The following ASS1 variants were observed in gnomAD, a reference collection of about 807,000 sequenced individuals.
ASS1 encodes argininosuccinate synthase 1, also known as argininosuccinate synthase.
In ASS1, 58 loss-of-function variants were observed where a neutral mutation model predicts 60.5. The observed-to-expected ratio is 0.96, with a 90% CI of 0.78 to 1.19. The LOEUF (loss-of-function observed/expected upper bound fraction) is 1.19. Among genes scored for constraint, ASS1 ranks in the 50% most tolerant of loss-of-function variants. The pLI, the probability that ASS1 is intolerant of heterozygous loss-of-function variation, is 0.00. For synonymous variants in ASS1, 200 were observed against 206.9 expected, an observed-to-expected ratio of 0.97 and a Z score of 0.29; for missense variants, 454 against 547.3, an observed-to-expected ratio of 0.83 and a Z score of 1.70.
At chr9:130,453,768 CAG>C (rs1845376870) in intron 2 of ASS1, among the ~76,000 whole-genome samples, 1 of 152,202 alleles carries the variant, frequency 6.6e-6, no homozygotes, top group Non-Finnish European at 1.5e-5. Flanking sequence ...AGTGTCTAGA[CAG>C]GGGCTGTCAG....
At chr9:130,501,274 AGTGAGTGT>A (rs1846749809), downstream of ASS1, 7 of 446,612 alleles carry the variant, frequency 1.6e-5, no homozygotes, top group East Asian at 4.1e-5. Flanking sequence ...TTTTATTTCT[AGTGAGTGT>A]GTGTGTGTGT....
At position 130,478,478 on chromosome 9, in the gene ASS1, G is replaced by A. The variant is rs547010534; in HGVS notation, c.689-1238G>A. ...AGCTGGAGAAGAAACGTGACCTATT[G>A]TCATGATTTGGGGACTGTCTGGAAG... On this transcript the variant is annotated intron_variant, in intron 9 of 14. Transcript: ENST00000352480. This position sits in a 1 kb window ranked among gnomAD's most constrained non-coding sequence, Gnocchi z 4.7. 1.1e-4 allele frequency among the ~76,000 whole-genome samples: 17 copies of A among 152,324 alleles called. No individual in the cohort carries two copies. The South Asian group carries it at 3.5e-3, about 32-fold the overall frequency.
At position 130,489,488 on chromosome 9, in the gene ASS1, C is replaced by T. The variant is rs745677470; in HGVS notation, c.970+24C>T. The T allele has an allele frequency of 4.4e-5, 71 of 1,613,832 alleles. No homozygotes were observed. The highest frequency in any genetic ancestry group is 6.7e-5 in the Admixed American group (4 of 59,992). On this transcript the variant is annotated intron_variant, in intron 12 of 14. Transcript: ENST00000352480. The surrounding 1 kb of genome is among the most constrained non-coding windows in gnomAD (Gnocchi z 4.1). ...CGGTGCGTAAGACTCTATGGCTGCC[C>T]CCTCTAACCGCCTCACAAGGGATCC...
intron 3 of ASS1, among the ~76,000 whole-genome samples, chr9:130,455,289 C>G (rs1332076806): frequency 1.3e-5 from 2 of 151,930 alleles, no homozygotes; most frequent in African/African-American, 2.4e-5. Flanking sequence ...ATCCATTCAC[C>G]CATCCATCCC....
chr9:130,489,768 A>G lies in ASS1; in HGVS notation c.970+304A>G, dbSNP rs562845089. Among the ~76,000 whole-genome samples, 1 of 152,342 alleles carries G rather than the reference A, an allele frequency of 6.6e-6. No homozygotes were observed. The highest frequency in any genetic ancestry group is 2.1e-4 in the South Asian group (1 of 4,832). The stretch of plus-strand genomic sequence containing the variant: ...CAGTTTGCATGACTGCAGCAATGCC[A>G]GGCACTGGGCACTGTGCGGCGACAT... On this transcript the variant is annotated intron_variant, in intron 12 of 14. Transcript: ENST00000352480. The surrounding 1 kb of genome is among the most constrained non-coding windows in gnomAD (Gnocchi z 4.1).
chr9:130,450,072 G>T (rs1272474429), intron 1 of ASS1, among the ~76,000 whole-genome samples: 1 of 152,206 alleles, frequency 6.6e-6, no homozygotes, highest in Non-Finnish European at 1.5e-5. Context: ...GCAAACAGGG[G>T]TAGGCTTCCA....
chr9:130,500,353 C>T (rs1846719579), intron 14 of ASS1, among the ~76,000 whole-genome samples: 2 of 152,184 alleles, frequency 1.3e-5, no homozygotes, highest in South Asian at 4.1e-4. Flanking sequence ...AAGTAACTTT[C>T]CAAGGGTCAC....
In ASS1 at chr9:130,489,066, G is replaced by T. The variant is rs1846380012; in HGVS notation, c.839-267G>T. On this transcript the variant is annotated intron_variant, in intron 11 of 14. Transcript: ENST00000352480. This position sits in a 1 kb window ranked among gnomAD's most constrained non-coding sequence, Gnocchi z 4.1. Reference sequence around the variant, plus strand: ...GGAGGGGTTGCTGCTCCGAAACCCTGTCATTTTCTAGCGTCTGAGGGCCCC... The same window carrying T: ...GGAGGGGTTGCTGCTCCGAAACCCTTTCATTTTCTAGCGTCTGAGGGCCCC... Among the ~76,000 whole-genome samples the T allele has an allele frequency of 1.3e-5, 2 of 152,118 alleles. No individual in the cohort carries two copies. The highest frequency in any genetic ancestry group is 2.9e-5 in the Non-Finnish European group (2 of 68,004).
chr9:130,497,019 A>G (rs764005411), intron 13 of ASS1, among the ~76,000 whole-genome samples: 2 of 152,156 alleles, frequency 1.3e-5, no homozygotes, highest in South Asian at 2.1e-4. Flanking sequence ...CCCCGCTTCA[A>G]TCTTTCTAAA....
intron 10 of ASS1, 105 bp downstream of exon 10, chr9:130,479,905 G>A (rs774665628): frequency 1.2e-5 from 15 of 1,284,344 alleles, no homozygotes; most frequent in Non-Finnish European, 1.7e-5. Flanking sequence ...CAGGGGTGCG[G>A]AGCACAGGCC....
At chr9:130,445,632 C>T (rs866823366) in intron 1 of ASS1, among the ~76,000 whole-genome samples, 41 of 152,274 alleles carry the variant, frequency 2.7e-4, no homozygotes, top group African/African-American at 9.4e-4. Flanking sequence ...CTGGGCTGGG[C>T]TCTGTGGGAG....
At chr9:130,468,748 AT>A (rs1157853369) in intron 6 of ASS1, among the ~76,000 whole-genome samples, 1 of 151,552 alleles carries the variant, frequency 6.6e-6, no homozygotes, top group Non-Finnish European at 1.5e-5. Flanking sequence ...TAATTTTTAA[AT>A]TTTTTTTTGT....
intron 6 of ASS1, among the ~76,000 whole-genome samples, chr9:130,467,831 G>A (rs1375502299): frequency 5.9e-5 from 9 of 152,180 alleles, no homozygotes; most frequent in Middle Eastern, 3.4e-3. Flanking sequence ...CTCACGCCTC[G>A]AGTCCTGGAT....
At chr9:130,455,007 C>G (rs1221689459) in intron 3 of ASS1, among the ~76,000 whole-genome samples, 4 of 150,702 alleles carry the variant, frequency 2.7e-5, no homozygotes, top group African/African-American at 9.8e-5. Flanking sequence ...TCCATCCATC[C>G]ATTCACCCAT....
At chr9:130,480,743 C>CTTG (rs1264500738) in intron 11 of ASS1, among the ~76,000 whole-genome samples, 1 of 152,152 alleles carries the variant, frequency 6.6e-6, no homozygotes, top group East Asian at 1.9e-4. Flanking sequence ...GCCTGGAGGT[C>CTTG]AGGCTGTCTT....
chr9:130,453,196 C>T (rs917825170), intron 2 of ASS1, among the ~76,000 whole-genome samples: 11 of 152,250 alleles, frequency 7.2e-5, no homozygotes, highest in African/African-American at 2.2e-4. Flanking sequence ...GGACCCACCA[C>T]GCATTAGTCC....
chr9:130,463,331 C>G (rs1344356135), intron 4 of ASS1, among the ~76,000 whole-genome samples: 1 of 152,258 alleles, frequency 6.6e-6, no homozygotes, highest in African/African-American at 2.4e-5. Context: ...CGGCCTCCTC[C>G]TCCTCGGCAT....
Position 130,452,282 on chromosome 9 carries a change from G to T in ASS1, c.54G>T (p.Ser18=). 1.2e-6 allele frequency: 2 copies of T among 1,614,152 alleles called. No homozygotes were observed. Among genetic ancestry groups the T allele is most frequent in the South Asian group, 1.1e-5 (1 of 91,084 alleles). The change falls in exon 2 of 15, where the codon TCG becomes TCT. Residue 18 remains serine, a synonymous_variant. Coordinates refer to ENST00000352480, the MANE Select transcript of ASS1 (RefSeq NM_054012.4). Reference sequence around the variant, plus strand: ...CCTACAGTGGCGGCCTGGACACCTCGTGCATCCTCGTGTGGCTGAAGGAAC... The same window carrying T: ...CCTACAGTGGCGGCCTGGACACCTCTTGCATCCTCGTGTGGCTGAAGGAAC... ...VLAYSGGLDT[S]CILVWLKEQG... is the part of the protein sequence containing the mutation.
Position 130,470,093 on chromosome 9 carries a change from C to G in ASS1, c.496-741C>G, listed in dbSNP as rs1845832013. ...GGGCGTCATCAAGGGTGGTGCGGGT[C>G]CCCAGGGCGACAAGCCTCATCTTCT... On this transcript the variant is annotated intron_variant, in intron 6 of 14. Transcript: ENST00000352480. This position sits in a 1 kb window ranked among gnomAD's most constrained non-coding sequence, Gnocchi z 4.3. 6.6e-6 allele frequency among the ~76,000 whole-genome samples: 1 copy of G among 152,076 alleles called. No individual in the cohort carries two copies. Among genetic ancestry groups the G allele is most frequent in the Non-Finnish European group, 1.5e-5 (1 of 68,014 alleles).
Sources: allele counts gnomAD v4.1 joint callset (sites outside exome capture counted in the v4.1 genomes callset), GRCh38; gene constraint gnomAD v4.1.1; non-coding constraint Gnocchi (gnomAD v3.1); transcripts MANE v1.5; gene names NCBI Gene and HGNC (gene_info 2026-07-23, HGNC 2026-07-21).